MYO5A: variants seen among roughly 807,000 people sequenced by gnomAD.
The protein encoded by MYO5A is myosin VA, also known as unconventional myosin-Va.
Under a neutral mutation model 249.7 loss-of-function variants are expected in MYO5A, and 98 were observed. The observed-to-expected ratio is 0.39, with a 90% CI of 0.33 to 0.46. The LOEUF (loss-of-function observed/expected upper bound fraction) is 0.46, where lower values mean the gene tolerates loss of function less well. Among genes scored for constraint, MYO5A ranks in the 20% least tolerant of loss-of-function variants. The pLI, the probability that MYO5A is intolerant of heterozygous loss-of-function variation, is 0.98. For missense variants in MYO5A, 1,696 were observed against 2,308.8 expected, an observed-to-expected ratio of 0.73 and a Z score of 5.44; for synonymous variants, 778 against 810.6, an observed-to-expected ratio of 0.96 and a Z score of 0.68.
intron 22 of MYO5A, among the ~76,000 whole-genome samples, chr15:52,369,643 C>T (rs1028157724): frequency 3.3e-5 from 5 of 152,040 alleles, no homozygotes; most frequent in Non-Finnish European, 5.9e-5. Context: ...AGGATCCCTA[C>T]CATCAGGTAC....
intron 1 of MYO5A, among the ~76,000 whole-genome samples, chr15:52,511,603 GTTATAATACAA>G: frequency 6.6e-6 from 1 of 152,242 alleles, no homozygotes; most frequent in East Asian, 1.9e-4. Flanking sequence ...GAATGTGTAG[GTTATAATACAA>G]CTCATCCTTA....
chr15:52,317,100 T>G lies in MYO5A; in HGVS notation c.5357A>C (p.Asp1786Ala), dbSNP rs2038061908. Residue 1786 changes from aspartate to alanine, a missense_variant, in exon 40 of 42, where the codon GAT (aspartate) becomes GCT (alanine). By Grantham distance (126) the Asp-to-Ala change is moderately radical. Around this residue, in one of 5 missense-constraint regions of MYO5A, gnomAD observed 625 missense variants for 908.1 expected, o/e 0.69. Coordinates refer to ENST00000399233, the MANE Select transcript of MYO5A (RefSeq NM_001382347.1). ...AQLLQVKKKT[D>A]DDAEAICSMC... ...AGAACAAATGGCTTCTGCATCATCATCTGTTTTCTTTTTCACTTGCAAAAG... is the reference window on the plus strand; with the variant it reads ...AGAACAAATGGCTTCTGCATCATCAGCTGTTTTCTTTTTCACTTGCAAAAG... The G allele has an allele frequency of 6.2e-7, 1 of 1,614,078 alleles. No homozygotes were observed. Among genetic ancestry groups the G allele is most frequent in the African/African-American group, 1.3e-5 (1 of 74,944 alleles).
In MYO5A at chr15:52,310,175, T is replaced by A. The variant is rs1384435595; in HGVS notation, c.*3521A>T. 2 of 152,204 alleles carry A rather than the reference T, an allele frequency of 1.3e-5. No homozygotes were observed. The highest frequency in any genetic ancestry group is 1.9e-4 in the East Asian group (1 of 5,196). The allele number at this position is 152,204 out of a possible 1,614,324, so 9.4% of individuals were successfully genotyped here. On this transcript the variant is annotated 3_prime_UTR_variant, in exon 42 of 42. Transcript: ENST00000399233. ...TTCCCTATCAGTTGGCTTCGGAATA[T>A]GTTTTTGTGCTTCTGCACCTGACAA... is the stretch of plus-strand genomic sequence containing the variant.
intron 1 of MYO5A, among the ~76,000 whole-genome samples, chr15:52,473,028 A>G (rs1333119287): frequency 6.6e-6 from 1 of 152,102 alleles, no homozygotes; most frequent in African/African-American, 2.4e-5. Context: ...AAGTGTTCCT[A>G]TTTCTCCACA....
At position 52,340,278 on chromosome 15, in the gene MYO5A, G is replaced by A; in HGVS notation, c.4157C>T (p.Ala1386Val). The A allele has an allele frequency of 6.2e-7, 1 of 1,614,024 alleles. No individual in the cohort carries two copies. Among genetic ancestry groups the A allele is most frequent in the Non-Finnish European group, 8.5e-7 (1 of 1,180,032 alleles). The stretch of plus-strand genomic sequence containing the variant: ...CTCTGGGGGCAGCTGCAGGTTCTGG[G>A]CCAGCAGCTGCTGCTGTCGGTTGTT... Reference protein sequence around the residue: ...EENNRQQQLLAQNLQLPPEAR... With the variant: ...EENNRQQQLLVQNLQLPPEAR... The change falls in exon 32 of 42, where the codon GCC (alanine) becomes GTC (valine). Residue 1386 changes from alanine (A) to valine (V), a missense_variant. By Grantham distance (64) the Ala-to-Val change is moderately conservative. Transcript: ENST00000399233.
chr15:52,500,694 T>G (rs944798885), intron 1 of MYO5A, among the ~76,000 whole-genome samples: 9 of 152,120 alleles, frequency 5.9e-5, no homozygotes, highest in African/African-American at 2.2e-4. Context: ...TCTTTGGTTG[T>G]TTGTCGTTGA....
At chr15:52,480,742 A>C (rs1158440989) in intron 1 of MYO5A, among the ~76,000 whole-genome samples, 1 of 152,224 alleles carries the variant, frequency 6.6e-6, no homozygotes, top group Non-Finnish European at 1.5e-5. Context: ...GAGGAGTCGC[A>C]TGAGAAAATT....
intron 15 of MYO5A, among the ~76,000 whole-genome samples, chr15:52,383,560 C>T (rs1047838297): frequency 7.2e-5 from 11 of 152,174 alleles, no homozygotes; most frequent in Non-Finnish European, 1.6e-4. Flanking sequence ...GAAAACGTAG[C>T]AGATGACTTA....
chr15:52,493,711 C>T (rs2076981298), intron 1 of MYO5A, among the ~76,000 whole-genome samples: 1 of 151,850 alleles, frequency 6.6e-6, no homozygotes, highest in Non-Finnish European at 1.5e-5. Context: ...CTTGCTTATA[C>T]AATAATATTA....
Position 52,408,125 on chromosome 15 carries a change from T to C in MYO5A, c.772A>G (p.Asn258Asp). 1.2e-6 allele frequency: 2 copies of C among 1,601,826 alleles called. No homozygotes were observed. Among genetic ancestry groups the C allele is most frequent in the Non-Finnish European group, 1.7e-6 (2 of 1,170,098 alleles). ...CAAAGCTGATAGAAGATATGATAGTTTCTCTCCTCTTCTGCCTTCGAAATA... is the reference window on the plus strand; with the variant it reads ...CAAAGCTGATAGAAGATATGATAGTCTCTCTCCTCTTCTGCCTTCGAAATA... ...RVVFQAEEER[N>D]YHIFYQLCAS... The change falls in exon 7 of 42, where the codon AAC becomes GAC. Residue 258 changes from asparagine (N) to aspartate (D), a missense_variant. Coordinates refer to ENST00000399233, the MANE Select transcript of MYO5A (RefSeq NM_001382347.1).
intron 1 of MYO5A, among the ~76,000 whole-genome samples, chr15:52,477,905 T>G (rs1467015560): frequency 6.6e-6 from 1 of 152,162 alleles, no homozygotes; most frequent in Non-Finnish European, 1.5e-5. Context: ...GATCTCAAAC[T>G]CCATGCTGGG....
At position 52,319,157 on chromosome 15, in the gene MYO5A, C is replaced by G. The variant is rs769896407; in HGVS notation, c.5137G>C (p.Val1713Leu). ...HGMDPELIKQ[V>L]VKQMFYIIGA... is the part of the protein sequence containing the mutation. ...ATGATGTAGAACATCTGCTTGACCA[C>G]CTGCTTGATCAGTTCAGGGTCCATG... The change falls in exon 39 of 42, where the codon GTG becomes CTG. Residue 1713 changes from valine (V) to leucine (L), a missense_variant. By Grantham distance (32) the Val-to-Leu change is conservative. Coordinates refer to ENST00000399233, the MANE Select transcript of MYO5A (RefSeq NM_001382347.1). 6.2e-7 allele frequency: 1 copy of G among 1,614,060 alleles called. No homozygotes were observed.
intron 1 of MYO5A, among the ~76,000 whole-genome samples, chr15:52,504,833 G>T (rs536928103): frequency 6.6e-6 from 1 of 151,504 alleles, no homozygotes; most frequent in South Asian, 2.1e-4. Flanking sequence ...AGGTTGCAGG[G>T]AGCTGAGATC....
rs2041041627 is a variant in MYO5A at position 52,370,397 on chromosome 15, A to G, written c.2838T>C (p.Leu946=). Residue 946 remains leucine, a synonymous_variant, in exon 22 of 42, where the codon CTT becomes CTC. Transcript: ENST00000399233. ...VDEQNKDYKC[L]VEKLTNLEGI... ...CTTCCAGATTGGTTAGTTTCTCCAC[A>G]AGGCATTTGTAGTCTTTGTTCTTTA... is the stretch of plus-strand genomic sequence containing the variant. 6.2e-7 allele frequency: 1 copy of G among 1,612,448 alleles called. No individual in the cohort carries two copies. The highest frequency in any genetic ancestry group is 8.5e-7 in the Non-Finnish European group (1 of 1,178,590).
At position 52,321,440 on chromosome 15, in the gene MYO5A, G is replaced by A. The variant is rs1219218124; in HGVS notation, c.4870C>T (p.Arg1624Trp). 9 of 1,614,160 alleles carry A rather than the reference G, an allele frequency of 5.6e-6. No individual in the cohort carries two copies. Among genetic ancestry groups the A allele is most frequent in the East Asian group, 2.2e-5 (1 of 44,880 alleles). The change falls in exon 38 of 42, where the codon CGG (arginine) becomes TGG (tryptophan). Residue 1624 changes from arginine to tryptophan, a missense_variant. Arg to Trp is a moderately radical substitution (Grantham distance 101). Around this residue, in one of 5 missense-constraint regions of MYO5A, gnomAD observed 625 missense variants for 908.1 expected, o/e 0.69. Transcript: ENST00000399233. ...CLTNFDLAEYRQVLSDLAIQI... is the reference protein window; with the variant it reads ...CLTNFDLAEYWQVLSDLAIQI... Reference sequence around the variant, plus strand: ...ATGGCCAAGTCACTCAGCACCTGCCGATACTCAGCCAGGTCAAAATTGGTG... The same window carrying A: ...ATGGCCAAGTCACTCAGCACCTGCCAATACTCAGCCAGGTCAAAATTGGTG...
At chr15:52,477,475 A>G (rs2076621618) in intron 1 of MYO5A, among the ~76,000 whole-genome samples, 1 of 152,074 alleles carries the variant, frequency 6.6e-6, no homozygotes, top group African/African-American at 2.4e-5. Context: ...CCTTTGGAGG[A>G]GAAGAGGCGC....
intron 1 of MYO5A, among the ~76,000 whole-genome samples, chr15:52,508,151 T>C (rs922949578): frequency 6.6e-6 from 1 of 152,166 alleles, no homozygotes; most frequent in African/African-American, 2.4e-5. Context: ...ATTTTATGTA[T>C]TTGTTATTTA....
chr15:52,522,373 G>C lies in MYO5A; in HGVS notation c.27+6407C>G, dbSNP rs2077640988. On this transcript the variant is annotated intron_variant, in intron 1 of 41. Transcript: ENST00000399233. ...ATAAAGTTGATGAAAGATTGGGAGT[G>C]GGGTGGTGCTGGGGAGAAAAGGACA... Among the ~76,000 whole-genome samples, 3 of 152,186 alleles carry C rather than the reference G, an allele frequency of 2.0e-5. No homozygotes were observed. In the South Asian group the frequency reaches 6.2e-4, roughly 32 times the overall value.
At chr15:52,375,058 C>A (rs1010293677) in intron 20 of MYO5A, among the ~76,000 whole-genome samples, 16 of 152,114 alleles carry the variant, frequency 1.1e-4, no homozygotes, top group Non-Finnish European at 2.2e-4. Context: ...AGTGGGAAGA[C>A]TGCTTGAGGC....
Sources: allele counts gnomAD v4.1 joint callset (sites outside exome capture counted in the v4.1 genomes callset), GRCh38; gene constraint gnomAD v4.1.1; regional missense constraint gnomAD v4.1.1; transcripts MANE v1.5; gene names NCBI Gene and HGNC (gene_info 2026-07-23, HGNC 2026-07-21).